Variants in WDR27 observed in about 807,000 individuals in gnomAD.
The protein encoded by WDR27 is WD repeat-containing protein 27.
Under a neutral mutation model 114.4 loss-of-function variants are expected in WDR27, and 100 were observed. That is an observed-to-expected ratio of 0.87 (90% CI 0.74 to 1.03). WDR27 has a LOEUF of 1.03. Ranked by LOEUF, WDR27 falls within the 50% of genes least tolerant of loss-of-function variation. The pLI is 0.00. For missense variants in WDR27, 1,129 were observed against 1,092.9 expected (o/e 1.03, Z -0.47); for synonymous variants, 449 against 423.1 (o/e 1.06, Z -0.75).
At chr6:169,468,126 CAA>C (rs1051532549) in intron 25 of WDR27, among the ~76,000 whole-genome samples, 1 of 152,172 alleles carries the variant, frequency 6.6e-6, no homozygotes. Context: ...CTCCAGTTCC[CAA>C]AAAGTTTCTC....
At chr6:169,459,561 A>C (rs552482969) in intron 25 of WDR27, among the ~76,000 whole-genome samples, 1 of 151,626 alleles carries the variant, frequency 6.6e-6, no homozygotes, top group Non-Finnish European at 1.5e-5. Context: ...ATATGTATAT[A>C]AATGTATACA....
chr6:169,602,183 ACT>A (rs1348843862), intron 23 of WDR27, 34 bp downstream of exon 23: 25 of 1,470,176 alleles, frequency 1.7e-5, no homozygotes, highest in Non-Finnish European at 2.0e-5. Context: ...CAAAGTCTAG[ACT>A]CTCTACATTT....
At chr6:169,473,514 C>G (rs990273251) in intron 25 of WDR27, among the ~76,000 whole-genome samples, 2 of 152,124 alleles carry the variant, frequency 1.3e-5, no homozygotes, top group Non-Finnish European at 2.9e-5. Flanking sequence ...GGAAAACTCT[C>G]CCAATGTCTC....
chr6:169,693,776 G>C (rs1330552193), intron 1 of WDR27, among the ~76,000 whole-genome samples: 2 of 150,890 alleles, frequency 1.3e-5, no homozygotes, highest in South Asian at 2.1e-4. Context: ...AAAAGGATTA[G>C]TCCAATAGGA....
the WDR27 span, among the ~76,000 whole-genome samples, chr6:169,430,996 T>A: frequency 6.6e-6 from 1 of 152,152 alleles, no homozygotes; most frequent in African/African-American, 2.4e-5. Context: ...CACACACTGC[T>A]TGCCCAGGGA....
At chr6:169,696,544 G>A (rs554677151) in intron 1 of WDR27, among the ~76,000 whole-genome samples, 37 of 152,308 alleles carry the variant, frequency 2.4e-4, no homozygotes, top group African/African-American at 8.4e-4. Context: ...GAGAGCCCAC[G>A]GTCATAGGAG....
At chr6:169,536,806 T>C (rs1220369929) in intron 25 of WDR27, among the ~76,000 whole-genome samples, 1 of 151,992 alleles carries the variant, frequency 6.6e-6, no homozygotes, top group Non-Finnish European at 1.5e-5. Flanking sequence ...GGTTAAGACA[T>C]CGTGTGTGGG....
intron 25 of WDR27, among the ~76,000 whole-genome samples, chr6:169,549,282 C>T (rs982625658): frequency 2.6e-5 from 4 of 152,186 alleles, no homozygotes; most frequent in African/African-American, 4.8e-5. Flanking sequence ...AAATACTCCA[C>T]ATCACATCAT....
At chr6:169,507,904 A>G (rs1448613567) in intron 25 of WDR27, among the ~76,000 whole-genome samples, 2 of 152,222 alleles carry the variant, frequency 1.3e-5, no homozygotes, top group African/African-American at 4.8e-5. Context: ...TCTACAGGTC[A>G]CAGCAATGCC....
At chr6:169,496,168 A>G (rs947005746) in intron 25 of WDR27, among the ~76,000 whole-genome samples, 1 of 152,092 alleles carries the variant, frequency 6.6e-6, no homozygotes, top group African/African-American at 2.4e-5. Flanking sequence ...GAAAAAATGC[A>G]TGATTATCTC....
intron 21 of WDR27, among the ~76,000 whole-genome samples, chr6:169,631,703 C>T (rs531409609): frequency 6.6e-6 from 1 of 152,318 alleles, no homozygotes; most frequent in African/African-American, 2.4e-5. Context: ...TCTCATGCTG[C>T]ACCCGTTAAA....
intron 25 of WDR27, among the ~76,000 whole-genome samples, chr6:169,501,268 A>T (rs1043014650): frequency 6.6e-6 from 1 of 152,136 alleles, no homozygotes. Context: ...GGGAGCCCAG[A>T]CCAGCCAGTG....
intron 12 of WDR27, 106 bp from the exon 13 acceptor site, chr6:169,658,464 C>A: frequency 1.3e-6 from 1 of 795,878 alleles, no homozygotes. Flanking sequence ...CTGATTCCTG[C>A]AGCTGTGGAC....
intron 17 of WDR27, among the ~76,000 whole-genome samples, chr6:169,643,435 A>G (rs2128230475): frequency 6.6e-6 from 1 of 152,260 alleles, no homozygotes. Context: ...GACTTCATTC[A>G]CTCCCCTAAA....
intron 25 of WDR27, among the ~76,000 whole-genome samples, chr6:169,517,190 C>T (rs1347657759): frequency 6.6e-6 from 1 of 152,116 alleles, no homozygotes; most frequent in Non-Finnish European, 1.5e-5. Context: ...AACTCTCTTT[C>T]TCTTGCTCCA....
intron 25 of WDR27, among the ~76,000 whole-genome samples, chr6:169,491,722 G>C (rs1228725924): frequency 1.3e-5 from 2 of 152,154 alleles, no homozygotes; most frequent in African/African-American, 4.8e-5. Flanking sequence ...GGCTAATGAT[G>C]TGTGCTGGGA....
At chr6:169,546,930 G>T in intron 25 of WDR27, among the ~76,000 whole-genome samples, 1 of 152,006 alleles carries the variant, frequency 6.6e-6, no homozygotes, top group South Asian at 2.1e-4. Flanking sequence ...AAGTGAAAGT[G>T]GGGAGATAGC....
At chr6:169,541,406 T>C (rs73792929) in intron 25 of WDR27, among the ~76,000 whole-genome samples, 2,488 of 152,324 alleles carry the variant, frequency 0.016, 63 homozygotes, top group African/African-American at 0.057. Context: ...TAATTCTCTA[T>C]GGGGATCAAT....
chr6:169,670,382 T>C (rs1778377867), intron 4 of WDR27, 187 bp downstream of exon 4: 1 of 542,828 alleles, frequency 1.8e-6, no homozygotes, highest in South Asian at 3.2e-5. Flanking sequence ...AATATTGCTA[T>C]CTGATACCAG....
Sources: allele counts gnomAD v4.1 joint callset (sites outside exome capture counted in the v4.1 genomes callset), GRCh38; gene constraint gnomAD v4.1.1; transcripts MANE v1.5; gene names NCBI Gene and HGNC (gene_info 2026-07-23, HGNC 2026-07-21).